Variants in ABCB9 observed in about 807,000 individuals in gnomAD.
ABCB9 encodes ATP binding cassette subfamily B member 9, also known as ABC-type oligopeptide transporter ABCB9.
Under a neutral mutation model 62.0 loss-of-function variants are expected in ABCB9, and 36 were observed. The observed-to-expected ratio is 0.58, with a 90% CI of 0.45 to 0.77. The LOEUF (loss-of-function observed/expected upper bound fraction) is 0.77. Among genes scored for constraint, ABCB9 ranks in the 30% least tolerant of loss-of-function variants. ABCB9 has a pLI of 0.00. For synonymous variants in ABCB9, 435 were observed against 461.4 expected (o/e 0.94, Z 0.73); for missense variants, 943 against 1,054.7 (o/e 0.89, Z 1.47).
In ABCB9 at chr12:122,944,333, T is replaced by C; in HGVS notation, c.1380+58A>G. 6.9e-7 allele frequency: 1 copy of C among 1,443,754 alleles called. No individual in the cohort carries two copies. The allele number at this position is 1,443,754 out of a possible 1,614,324, so 89.4% of individuals were successfully genotyped here. ...GAGCCCCGCCCCCACCCTGTTAAGA[T>C]CCCTCTTCCCCAAACTCCTCCCTTC... On this transcript the variant is annotated intron_variant, in intron 7 of 11. Transcript: ENST00000280560. The surrounding 1 kb of genome is among the most constrained non-coding windows in gnomAD (Gnocchi z 4.9).
chr12:122,954,468 T>C (rs988982135), intron 2 of ABCB9, among the ~76,000 whole-genome samples: 3 of 151,792 alleles, frequency 2.0e-5, no homozygotes, highest in African/African-American at 7.3e-5. Context: ...CTTGCTGAGA[T>C]TACAGGTGTG....
intron 2 of ABCB9, among the ~76,000 whole-genome samples, chr12:122,954,492 G>A (rs1407654157): frequency 2.6e-5 from 4 of 151,812 alleles, no homozygotes; most frequent in Admixed American, 1.3e-4. Flanking sequence ...CACCGTGCCC[G>A]GCCTATTTTT....
At chr12:122,934,461 G>A (rs377320587) in intron 10 of ABCB9, among the ~76,000 whole-genome samples, 34 of 151,364 alleles carry the variant, frequency 2.2e-4, no homozygotes, top group African/African-American at 7.8e-4. Flanking sequence ...TTGGGAGGCA[G>A]GAGGATTGCA....
At position 122,940,156 on chromosome 12, in the gene ABCB9, G is replaced by A. The variant is rs116208583; in HGVS notation, c.1698C>T (p.Asp566=). Residue 566 remains aspartate (D), a synonymous_variant, in exon 9 of 12, where the codon GAC becomes GAT. Coordinates refer to ENST00000280560, the MANE Select transcript of ABCB9 (RefSeq NM_019625.4). This position sits in a 1 kb window ranked among gnomAD's most constrained non-coding sequence, Gnocchi z 4.8. ...GGTCGTAGGCGCTGATGGGCTTGCCGTCCAGCAGCACCCGGCCCCCCTCCA... is the reference window on the plus strand; with the variant it reads ...GGTCGTAGGCGCTGATGGGCTTGCCATCCAGCAGCACCCGGCCCCCCTCCA... ...YPLEGGRVLL[D]GKPISAYDHK... The A allele has an allele frequency of 1.2e-5, 19 of 1,613,250 alleles. No individual in the cohort carries two copies. Among genetic ancestry groups the A allele is most frequent in the African/African-American group, 8.0e-5 (6 of 75,044 alleles).
At chr12:122,923,793 C>A (rs1056335612) in intron 11 of ABCB9, among the ~76,000 whole-genome samples, 3 of 152,118 alleles carry the variant, frequency 2.0e-5, no homozygotes, top group African/African-American at 7.2e-5. Flanking sequence ...ATTTATGACC[C>A]CAAAAGTTCT....
chr12:122,965,987 G>T (rs544688199), intron 1 of ABCB9, among the ~76,000 whole-genome samples: 1 of 152,352 alleles, frequency 6.6e-6, no homozygotes, highest in African/African-American at 2.4e-5. Flanking sequence ...CGTCCTGGGG[G>T]AACGACAGCC....
At position 122,959,351 on chromosome 12, in the gene ABCB9, C is replaced by T. The variant is rs556874263; in HGVS notation, c.601+284G>A. On this transcript the variant is annotated intron_variant, in intron 2 of 11. Transcript: ENST00000280560. This position sits in a 1 kb window ranked among gnomAD's most constrained non-coding sequence, Gnocchi z 5.4. Reference sequence around the variant, plus strand: ...TAGGTGACAGAGCAATACTATGTTTCGAAAAAATAAATAAATACAATAAAT... The same window carrying T: ...TAGGTGACAGAGCAATACTATGTTTTGAAAAAATAAATAAATACAATAAAT... Among the ~76,000 whole-genome samples, 4 of 151,222 alleles carry T rather than the reference C, an allele frequency of 2.6e-5. No homozygotes were observed. The highest frequency in any genetic ancestry group is 6.6e-5 in the Admixed American group (1 of 15,196).
upstream of ABCB9, among the ~76,000 whole-genome samples, chr12:122,968,093 T>A (rs1178620350): frequency 2.6e-5 from 4 of 151,466 alleles, no homozygotes; most frequent in African/African-American, 9.7e-5. Context: ...ATAGAAGACA[T>A]AGAGTTATAT....
At chr12:122,949,475 G>A (rs1176521381) in intron 4 of ABCB9, among the ~76,000 whole-genome samples, 2 of 152,196 alleles carry the variant, frequency 1.3e-5, no homozygotes, top group African/African-American at 2.4e-5. Flanking sequence ...GGTCTCTGTC[G>A]GCCACAGGCG....
Position 122,935,429 on chromosome 12 carries a change from G to A in ABCB9, c.1746C>T (p.Ile582=), listed in dbSNP as rs142162332. The change falls in exon 10 of 12, where the codon ATC becomes ATT. Residue 582 remains isoleucine (I), a splice_region_variant and synonymous_variant. Transcript: ENST00000280560. ...GCACGGGCTCCTGGCTCACCAGGGA[G>A]ATCTGGGGAGGAGGGAGCATGGAGC... ...AYDHKYLHRV[I]SLVSQEPVLF... is the part of the protein sequence containing the mutation. 19 of 1,612,834 alleles carry A rather than the reference G, an allele frequency of 1.2e-5. No individual in the cohort carries two copies. Among genetic ancestry groups the A allele is most frequent in the African/African-American group, 2.7e-5 (2 of 74,920 alleles).
At chr12:122,928,214 A>G (rs1202149723), downstream of ABCB9, among the ~76,000 whole-genome samples, 1 of 152,172 alleles carries the variant, frequency 6.6e-6, no homozygotes, top group African/African-American at 2.4e-5. Flanking sequence ...TCACGCCTAT[A>G]ATCCCAGCAC....
chr12:122,945,616 G>A (rs924130992), intron 6 of ABCB9, among the ~76,000 whole-genome samples: 10 of 152,162 alleles, frequency 6.6e-5, no homozygotes, highest in South Asian at 2.1e-4. Context: ...GGTGGCTCAC[G>A]CCTGTAATCC....
Position 122,929,634 on chromosome 12 carries a change from CT to C in ABCB9, c.*276del. On this transcript the variant is annotated 3_prime_UTR_variant, in exon 12 of 12. Transcript: ENST00000280560. This position sits in a 1 kb window ranked among gnomAD's most constrained non-coding sequence, Gnocchi z 6.0. The stretch of plus-strand genomic sequence containing the variant: ...TGCCTCAAACCAAACAGTAAAAACC[CT>C]GGTAAGACCTAGGTTTAAAAAGGCA... The C allele has an allele frequency of 1.6e-6, 2 of 1,219,164 alleles. No individual in the cohort carries two copies. The highest frequency in any genetic ancestry group is 2.0e-6 in the Non-Finnish European group (2 of 979,268). 75.5% of individuals were successfully genotyped at this position (1,219,164 alleles called of 1,614,324 possible).
intron 2 of ABCB9, among the ~76,000 whole-genome samples, chr12:122,956,952 C>T (rs2036634796): frequency 6.6e-6 from 1 of 152,170 alleles, no homozygotes; most frequent in African/African-American, 2.4e-5. Flanking sequence ...GCCACCGCGC[C>T]CAGCTTAAAA....
At chr12:122,961,508 T>C (rs754851664) in intron 1 of ABCB9, among the ~76,000 whole-genome samples, 1 of 152,076 alleles carries the variant, frequency 6.6e-6, no homozygotes, top group African/African-American at 2.4e-5. Context: ...CAATTTTAAA[T>C]AGGGGGCCAG....
intron 2 of ABCB9, chr12:122,950,824 G>A (rs2036327065): frequency 4.7e-6 from 2 of 421,324 alleles, no homozygotes; most frequent in South Asian, 3.8e-5. Context: ...CAGGCATCGA[G>A]CCAGGGCTCC....
In ABCB9 at chr12:122,940,132, G is replaced by C; in HGVS notation, c.1722C>G (p.Asp574Glu). The C allele has an allele frequency of 6.2e-7, 1 of 1,612,190 alleles. No individual in the cohort carries two copies. Among genetic ancestry groups the C allele is most frequent in the South Asian group, 1.1e-5 (1 of 90,654 alleles). The change falls in exon 9 of 12, where the codon GAC becomes GAG. Residue 574 changes from aspartate (D) to glutamate (E), a missense_variant. Transcript: ENST00000280560. This position sits in a 1 kb window ranked among gnomAD's most constrained non-coding sequence, Gnocchi z 4.8. ...LLDGKPISAY[D>E]HKYLHRVISL... ...ATACCACACGGTGCAAGTACTTGTGGTCGTAGGCGCTGATGGGCTTGCCGT... is the reference window on the plus strand; with the variant it reads ...ATACCACACGGTGCAAGTACTTGTGCTCGTAGGCGCTGATGGGCTTGCCGT...
At chr12:122,920,630 C>T (rs1248052591), downstream of ABCB9, among the ~76,000 whole-genome samples, 1 of 152,100 alleles carries the variant, frequency 6.6e-6, no homozygotes, top group Non-Finnish European at 1.5e-5. Flanking sequence ...GTGGGCCAGG[C>T]ATAGTGGCTC....
chr12:122,945,746 C>T (rs1015293022), intron 6 of ABCB9, among the ~76,000 whole-genome samples: 10 of 151,932 alleles, frequency 6.6e-5, no homozygotes, highest in Non-Finnish European at 1.3e-4. Context: ...GGCATGGTGG[C>T]GGGCGCCTGT....
Sources: gnomAD v4.1 joint callset for allele counts (sites outside exome capture counted in the v4.1 genomes callset) on GRCh38, gnomAD v4.1.1 for gene constraint, Gnocchi (gnomAD v3.1) non-coding constraint, MANE v1.5 for transcripts, NCBI Gene and HGNC (gene_info 2026-07-23, HGNC 2026-07-21) for gene names.